Variants in NPIPB13 observed in about 807,000 individuals in gnomAD.
The protein encoded by NPIPB13 is nuclear pore complex-interacting protein family member B13.
intron 2 of NPIPB13, among the ~76,000 whole-genome samples, chr16:30,238,063 G>A (rs2073578240): frequency 9.7e-6 from 1 of 103,468 alleles, no homozygotes. Flanking sequence ...ACCTGAGGTC[G>A]GGAGTTCAAA....
chr16:30,244,483 ATGTG>A (rs71259255), intron 2 of NPIPB13, among the ~76,000 whole-genome samples: 20,776 of 88,638 alleles, frequency 0.23, 2,318 homozygotes, highest in African/African-American at 0.27. Flanking sequence ...CAAAAAATAT[ATGTG>A]TGTGTGTGTG....
chr16:30,232,732 C>T (rs2073561750), intron 3 of NPIPB13, among the ~76,000 whole-genome samples: 1 of 47,952 alleles, frequency 2.1e-5, no homozygotes, highest in Admixed American at 2.8e-4. Context: ...CACCACTGCA[C>T]TCCAGCCTGG....
chr16:30,232,474 A>T (rs572927867), intron 3 of NPIPB13, among the ~76,000 whole-genome samples: 22 of 148,160 alleles, frequency 1.5e-4, no homozygotes, highest in African/African-American at 4.2e-4. Flanking sequence ...TCAAAAAAAA[A>T]AAAAAAAAAT....
intron 5 of NPIPB13, 22 bp downstream of exon 5, chr16:30,231,417 AT>A: frequency 5.8e-5 from 2 of 34,702 alleles, no homozygotes; most frequent in Non-Finnish European, 1.7e-4. Context: ...ATACAACAGT[AT>A]TTGTGTCAAG....
At chr16:30,232,497 G>T (rs1232410475) in intron 3 of NPIPB13, among the ~76,000 whole-genome samples, 1 of 143,262 alleles carries the variant, frequency 7.0e-6, no homozygotes, top group Non-Finnish European at 1.6e-5. Context: ...GCCAGATGCG[G>T]TAGCTCACGC....
intron 2 of NPIPB13, among the ~76,000 whole-genome samples, chr16:30,238,260 G>A (rs1226961790): frequency 3.2e-5 from 4 of 126,374 alleles, no homozygotes; most frequent in Non-Finnish European, 7.0e-5. Context: ...CAACAAGGGA[G>A]AAACTGTCTC....
At chr16:30,232,488 C>T (rs1333568257) in intron 3 of NPIPB13, among the ~76,000 whole-genome samples, 5 of 145,250 alleles carry the variant, frequency 3.4e-5, no homozygotes, top group African/African-American at 9.9e-5. Flanking sequence ...AAAAAATAGG[C>T]CAGATGCGGT....
At chr16:30,230,862 ACT>A (rs2073546918) in intron 5 of NPIPB13, among the ~76,000 whole-genome samples, 1 of 68,710 alleles carries the variant, frequency 1.5e-5, no homozygotes, top group Non-Finnish European at 3.0e-5. Context: ...ACAGAGCGAG[ACT>A]CTATCTCAAA....
At chr16:30,237,471 C>A (rs1301326189) in intron 2 of NPIPB13, among the ~76,000 whole-genome samples, 1 of 15,476 alleles carries the variant, frequency 6.5e-5, no homozygotes, top group African/African-American at 2.2e-4. Flanking sequence ...GGTGACAGAG[C>A]GAGACTCTGT....
intron 3 of NPIPB13, among the ~76,000 whole-genome samples, chr16:30,232,530 G>A (rs2073560316): frequency 8.5e-6 from 1 of 118,154 alleles, no homozygotes; most frequent in Non-Finnish European, 1.9e-5. Flanking sequence ...CACTTTGGGA[G>A]GCCGAGGCAG....
intron 2 of NPIPB13, among the ~76,000 whole-genome samples, chr16:30,240,948 A>AGGCCCTGTC (rs2073588231): frequency 9.9e-6 from 1 of 100,584 alleles, no homozygotes; most frequent in Non-Finnish European, 2.1e-5. Context: ...CCTCTGCTAA[A>AGGCCCTGTC]CTTCCCACAG....
intron 5 of NPIPB13, among the ~76,000 whole-genome samples, chr16:30,230,877 T>TAAAA (rs1200193892): frequency 1.8e-5 from 1 of 55,048 alleles, no homozygotes; most frequent in African/African-American, 6.9e-5. Context: ...ATCTCAAAAT[T>TAAAA]AAAAAAAAAA....
chr16:30,246,186 TC>T (rs1422428654), upstream of NPIPB13, among the ~76,000 whole-genome samples: 1 of 82,548 alleles, frequency 1.2e-5, no homozygotes, highest in Non-Finnish European at 2.7e-5. Context: ...TGTCTGCACT[TC>T]CCTCTCCATA....
exon 8 of NPIPB13, chr16:30,224,067 C>A (rs1176671407): frequency 6.7e-3 from 35 of 5,234 alleles, no homozygotes; most frequent in Admixed American, 0.025. Flanking sequence ...GTGGAAGCGG[C>A]CTCCGCAGAC....
At chr16:30,232,461 G>C (rs953528594) in intron 3 of NPIPB13, among the ~76,000 whole-genome samples, 2 of 140,980 alleles carry the variant, frequency 1.4e-5, no homozygotes, top group Non-Finnish European at 3.1e-5. Context: ...TGAAACTCTT[G>C]TCTCAAAAAA....
chr16:30,232,499 A>G (rs2073559852), intron 3 of NPIPB13, among the ~76,000 whole-genome samples: 2 of 139,044 alleles, frequency 1.4e-5, no homozygotes, highest in African/African-American at 5.1e-5. Context: ...CAGATGCGGT[A>G]GCTCACGCCT....
At chr16:30,246,355 A>G (rs1218156252), upstream of NPIPB13, among the ~76,000 whole-genome samples, 2 of 151,778 alleles carry the variant, frequency 1.3e-5, no homozygotes, top group African/African-American at 2.4e-5. Flanking sequence ...AGGTGACCTT[A>G]GAGTGTAAGT....
chr16:30,232,333 G>A (rs1285545292), intron 3 of NPIPB13, among the ~76,000 whole-genome samples: 3 of 72,452 alleles, frequency 4.1e-5, no homozygotes, highest in Non-Finnish European at 1.1e-4. Flanking sequence ...GCATGGTGGT[G>A]CATGCCTGTA....
chr16:30,244,483 ATGTGTGTGTGTGTGTGTGTGTGTG>A, intron 2 of NPIPB13, among the ~76,000 whole-genome samples: 1 of 89,420 alleles, frequency 1.1e-5, no homozygotes, highest in East Asian at 5.4e-4. Flanking sequence ...CAAAAAATAT[ATGTGTGTGTGTGTGTGTGTGTGTG>A]TGTGTGTGTG....
Sources: gnomAD v4.1 joint callset for allele counts (sites outside exome capture counted in the v4.1 genomes callset) on GRCh38, gnomAD v4.1.1 for gene constraint, MANE v1.5 for transcripts, NCBI Gene and HGNC (gene_info 2026-07-23, HGNC 2026-07-21) for gene names.